The following DMD variants were observed in gnomAD, a reference collection of about 807,000 sequenced individuals.
DMD encodes mutant dystrophin.
In DMD, 63 loss-of-function variants were observed where a neutral mutation model predicts 330.1. The ratio of observed to expected loss-of-function variants is 0.19; its 90% confidence interval spans 0.16 to 0.24. The LOEUF is 0.24. Ranked by LOEUF, DMD falls within the 10% of genes least tolerant of loss-of-function variation. The pLI, the probability that DMD is intolerant of heterozygous loss-of-function variation, is 1.00. For missense variants in DMD, 3,344 were observed against 2,684.1 expected (o/e 1.25, Z -5.43); for synonymous variants, 1,223 against 959.8 (o/e 1.27, Z -5.07).
At chrX:31,680,044 T>C (rs1443647059) in intron 52 of DMD, among the ~76,000 whole-genome samples, 2 of 112,036 alleles carry the variant, frequency 1.8e-5, no homozygotes, top group Non-Finnish European at 3.8e-5. Flanking sequence ...CCCCTCCAGC[T>C]CCCAGAGGCA....
At chrX:32,333,862 A>AG (rs1325236354) in intron 41 of DMD, among the ~76,000 whole-genome samples, 1 of 111,900 alleles carries the variant, frequency 8.9e-6, no homozygotes, top group East Asian at 2.8e-4. Flanking sequence ...CTCTCAATCC[A>AG]GGTTCAGTTT....
At chrX:31,922,590 G>A (rs181522079) in intron 47 of DMD, among the ~76,000 whole-genome samples, 29 of 109,911 alleles carry the variant, frequency 2.6e-4, no homozygotes, top group African/African-American at 9.0e-4. Context: ...CAATCTATGG[G>A]ATCTGACACT....
chrX:31,302,702 G>T (rs1315719322), intron 62 of DMD, among the ~76,000 whole-genome samples: 2 of 110,803 alleles, frequency 1.8e-5, no homozygotes, highest in Admixed American at 9.6e-5. Context: ...TAGGTTTTCA[G>T]TATTAAGTAG....
intron 51 of DMD, among the ~76,000 whole-genome samples, chrX:31,754,488 A>AGG (rs768987390): frequency 1.3e-3 from 146 of 111,258 alleles, no homozygotes; most frequent in African/African-American, 4.7e-3. Context: ...AAAGAGAGAG[A>AGG]GAGAGACACT....
intron 51 of DMD, among the ~76,000 whole-genome samples, chrX:31,769,524 G>T (rs2090207904): frequency 9.0e-6 from 1 of 111,644 alleles, no homozygotes; most frequent in African/African-American, 3.3e-5. Context: ...CAATCTTTTG[G>T]CTTCCCTGGG....
chrX:32,142,151 T>C (rs2096756846), intron 44 of DMD, among the ~76,000 whole-genome samples: 1 of 110,858 alleles, frequency 9.0e-6, no homozygotes, highest in Non-Finnish European at 1.9e-5. Context: ...GGACTCTCCT[T>C]GGAGAGGATT....
In DMD at chrX:32,879,028, AAAAC is replaced by A. The variant is rs200420558; in HGVS notation, c.94-29212_94-29209del. ...GTCTCAAAAAAAAAACAAAAAACAA[AAAAC>A]AAACAAAAAAAAAACAACTAATATT... On this transcript the variant is annotated intron_variant, in intron 2 of 78. Coordinates refer to ENST00000357033, the MANE Select transcript of DMD (RefSeq NM_004006.3). Among the ~76,000 whole-genome samples the A allele has an allele frequency of 2.6e-3, 272 of 105,073 alleles. 8 individuals carry two copies. The highest frequency in any genetic ancestry group is 8.1e-3 in the African/African-American group (230 of 28,397). 91.2% of individuals were successfully genotyped at this position (105,073 alleles called of 115,157 possible). A position where few individuals can be genotyped will look rare whatever the true frequency, so the allele number is the denominator to read the frequency against.
At chrX:31,599,034 T>C (rs899656110) in intron 55 of DMD, among the ~76,000 whole-genome samples, 3 of 112,003 alleles carry the variant, frequency 2.7e-5, no homozygotes, top group Non-Finnish European at 3.8e-5. Context: ...ATTTATGCGA[T>C]GTATAGAAAG....
intron 19 of DMD, among the ~76,000 whole-genome samples, chrX:32,496,688 GTGCA>G (rs1347985327): frequency 8.9e-6 from 1 of 112,737 alleles, no homozygotes; most frequent in Non-Finnish European, 1.9e-5. Context: ...GAGTTCACCC[GTGCA>G]TGCACGCCGT....
At chrX:31,376,209 T>G (rs924916350) in intron 60 of DMD, among the ~76,000 whole-genome samples, 2 of 112,323 alleles carry the variant, frequency 1.8e-5, no homozygotes, top group Non-Finnish European at 3.8e-5. Flanking sequence ...CAGATCTCTT[T>G]AAAATCACCA....
At chrX:32,755,712 T>C (rs1298183704) in intron 7 of DMD, among the ~76,000 whole-genome samples, 6 of 112,468 alleles carry the variant, frequency 5.3e-5, no homozygotes, top group African/African-American at 1.9e-4. Context: ...ACATGTTTTT[T>C]CCTTAGCACT....
intron 33 of DMD, among the ~76,000 whole-genome samples, chrX:32,381,001 A>G (rs1267831567): frequency 9.0e-6 from 1 of 111,020 alleles, no homozygotes; most frequent in Middle Eastern, 4.2e-3. Context: ...ACTGAAGATA[A>G]AACTCATTTC....
chrX:31,744,653 A>C, intron 51 of DMD, among the ~76,000 whole-genome samples: 1 of 112,284 alleles, frequency 8.9e-6, no homozygotes, highest in Middle Eastern at 4.6e-3. Context: ...ATTACAAGAC[A>C]TGAATAGTGA....
chrX:31,292,648 C>T (rs1278326292), intron 62 of DMD, among the ~76,000 whole-genome samples: 3 of 111,633 alleles, frequency 2.7e-5, no homozygotes, highest in East Asian at 2.8e-4. Context: ...TGCCAAAAAA[C>T]GCATTAAAGA....
chrX:32,910,631 C>T (rs965767693), intron 2 of DMD, among the ~76,000 whole-genome samples: 3 of 110,617 alleles, frequency 2.7e-5, no homozygotes, highest in African/African-American at 9.9e-5. Context: ...TTAGTAGAGA[C>T]GGGGTTTCAC....
intron 51 of DMD, among the ~76,000 whole-genome samples, chrX:31,746,784 G>T (rs2087876630): frequency 9.1e-6 from 1 of 110,478 alleles, no homozygotes; most frequent in Admixed American, 9.7e-5. Flanking sequence ...GTGCATGTGT[G>T]TATGTGTGCA....
intron 54 of DMD, among the ~76,000 whole-genome samples, chrX:31,646,070 T>C (rs1408565674): frequency 1.8e-5 from 2 of 112,192 alleles, no homozygotes; most frequent in Non-Finnish European, 3.8e-5. Context: ...AACCTGTTCC[T>C]GAATACTTCT....
chrX:32,111,709 G>A (rs1272708552), intron 44 of DMD, among the ~76,000 whole-genome samples: 2 of 111,296 alleles, frequency 1.8e-5, no homozygotes, highest in Admixed American at 9.6e-5. Flanking sequence ...GGAATTCAAT[G>A]TCAACCACTT....
At chrX:32,114,317 C>T (rs1465364425) in intron 44 of DMD, among the ~76,000 whole-genome samples, 1 of 111,144 alleles carries the variant, frequency 9.0e-6, no homozygotes, top group Non-Finnish European at 1.9e-5. Context: ...GTCTCTGTGC[C>T]TCAACTCTCT....
Sources: allele counts gnomAD v4.1 joint callset (sites outside exome capture counted in the v4.1 genomes callset), GRCh38; gene constraint gnomAD v4.1.1; transcripts MANE v1.5; gene names NCBI Gene and HGNC (gene_info 2026-07-23, HGNC 2026-07-21).